The following RNF128 variants were observed in gnomAD, a reference collection of about 807,000 sequenced individuals.
The protein encoded by RNF128 is ring finger protein 128.
In RNF128, 13 loss-of-function variants were observed where a neutral mutation model predicts 26.2. That is an observed-to-expected ratio of 0.50 (90% CI 0.32 to 0.79). The LOEUF is 0.79. RNF128 is among the 30% of genes least tolerant of loss of function. The pLI, the probability that RNF128 is intolerant of heterozygous loss-of-function variation, is 0.03. For missense variants in RNF128, 315 were observed against 349.7 expected (o/e 0.90, Z 0.79); for synonymous variants, 149 against 142.5 (o/e 1.05, Z -0.32).
chrX:106,747,834 A>C (rs12843493), intron 1 of RNF128, among the ~76,000 whole-genome samples: 1 of 112,265 alleles, frequency 8.9e-6, no homozygotes, highest in Non-Finnish European at 1.9e-5. Flanking sequence ...TATACAATTC[A>C]TTTCACTGGC....
intron 4 of RNF128, among the ~76,000 whole-genome samples, chrX:106,789,843 A>C (rs907535191): frequency 9.1e-6 from 1 of 109,907 alleles, no homozygotes; most frequent in Non-Finnish European, 1.9e-5. Flanking sequence ...GGACTATATT[A>C]TTGAGAATGA....
At chrX:106,731,285 A>G (rs780464872) in intron 1 of RNF128, among the ~76,000 whole-genome samples, 51 of 111,686 alleles carry the variant, frequency 4.6e-4, no homozygotes, top group African/African-American at 1.6e-3. Context: ...GAATTTTAAC[A>G]GGAAAAAGAT....
intron 1 of RNF128, among the ~76,000 whole-genome samples, chrX:106,733,090 T>G (rs1174533699): frequency 9.0e-6 from 1 of 111,344 alleles, no homozygotes; most frequent in South Asian, 3.8e-4. Flanking sequence ...AACAACTATT[T>G]ACATAGCATT....
Position 106,743,264 on chromosome X carries a change from T to C in RNF128, c.484+15867T>C, listed in dbSNP as rs1000511761. 3.6e-5 allele frequency among the ~76,000 whole-genome samples: 4 copies of C among 112,550 alleles called. No homozygotes were observed. The East Asian group carries it at 1.1e-3, about 31-fold the overall frequency. ...CAAAAATCAGAATTTTGAAAAACTTTTATCTACTATGTAAGCATAACTTCC... is the reference window on the plus strand; with the variant it reads ...CAAAAATCAGAATTTTGAAAAACTTCTATCTACTATGTAAGCATAACTTCC... On this transcript the variant is annotated intron_variant, in intron 1 of 6. Transcript: ENST00000255499.
At chrX:106,704,590 G>T (rs186251379) in intron 1 of RNF128, among the ~76,000 whole-genome samples, 12,431 of 110,647 alleles carry the variant, frequency 0.11, 1,718 homozygotes, top group African/African-American at 0.39. Context: ...GATAAGACGG[G>T]TTTTGGTTGA....
chrX:106,794,033 G>T (rs957474507), intron 6 of RNF128, among the ~76,000 whole-genome samples: 4 of 111,364 alleles, frequency 3.6e-5, no homozygotes, highest in Non-Finnish European at 7.6e-5. Context: ...GATGCTTCTT[G>T]CTTGCAGTAA....
In RNF128 at chrX:106,717,059, C is replaced by T. The variant is rs767211581; in HGVS notation, c.406+22651C>T. On this transcript the variant is annotated intron_variant, in intron 1 of 6. Coordinates refer to the RNF128 transcript ENST00000324342. ...CTACTAAAAATATATAAAAATTAGC[C>T]TGGCGTGGTGGCGGGCGCCTGTAGT... Among the ~76,000 whole-genome samples, 21 of 110,421 alleles carry T rather than the reference C, an allele frequency of 1.9e-4. No individual in the cohort carries two copies. The East Asian group carries it at 4.3e-3, about 23-fold the overall frequency.
chrX:106,715,046 C>T (rs1189982717), intron 1 of RNF128, among the ~76,000 whole-genome samples: 1 of 111,516 alleles, frequency 9.0e-6, no homozygotes, highest in African/African-American at 3.3e-5. Context: ...TGTAATTTTT[C>T]ATTTTTCTGA....
At chrX:106,790,369 G>A in intron 5 of RNF128, 87 bp downstream of exon 5, 1 of 582,579 alleles carries the variant, frequency 1.7e-6, no homozygotes, top group Admixed American at 2.5e-5. Context: ...TTTTCGCTAT[G>A]TAATACACCA....
At chrX:106,740,104 T>G (rs180896478) in intron 1 of RNF128, among the ~76,000 whole-genome samples, 1 of 112,066 alleles carries the variant, frequency 8.9e-6, no homozygotes, top group Non-Finnish European at 1.9e-5. Context: ...TGCCCCTTTA[T>G]GACCAGCATT....
intron 1 of RNF128, among the ~76,000 whole-genome samples, chrX:106,761,928 T>G (rs773757769): frequency 3.6e-5 from 4 of 109,843 alleles, no homozygotes; most frequent in Non-Finnish European, 7.6e-5. Flanking sequence ...TTTTTTATTT[T>G]GGGCAGACAC....
rs761753435 is a variant in RNF128, at chrX:106,766,316, G to C, written c.485-6597G>C. ...ACTGTCTTCCACAATGGTTGAACTAGTTTACACTCCCACCAACAGTTAAAG... is the reference window on the plus strand; with the variant it reads ...ACTGTCTTCCACAATGGTTGAACTACTTTACACTCCCACCAACAGTTAAAG... On this transcript the variant is annotated intron_variant, in intron 1 of 6. Coordinates refer to ENST00000255499, the MANE Select transcript of RNF128 (RefSeq NM_194463.2). 3.6e-5 allele frequency among the ~76,000 whole-genome samples: 4 copies of C among 111,974 alleles called. No individual in the cohort carries two copies. In the South Asian group the frequency reaches 1.1e-3, roughly 32 times the overall value.
At chrX:106,757,815 C>G (rs971948111) in intron 1 of RNF128, among the ~76,000 whole-genome samples, 2 of 111,894 alleles carry the variant, frequency 1.8e-5, no homozygotes, top group African/African-American at 6.5e-5. Flanking sequence ...CTATATGTGA[C>G]AGATCCACAG....
chrX:106,699,630 A>T (rs764917784), intron 1 of RNF128, among the ~76,000 whole-genome samples: 1 of 112,229 alleles, frequency 8.9e-6, no homozygotes. Context: ...TCCTCTTCTC[A>T]GAACTCCCCA....
At chrX:106,721,676 A>G (rs1929314947) in intron 1 of RNF128, among the ~76,000 whole-genome samples, 1 of 112,142 alleles carries the variant, frequency 8.9e-6, no homozygotes, top group African/African-American at 3.2e-5. Context: ...TGCATACAAG[A>G]GATATTTCAC....
intron 1 of RNF128, among the ~76,000 whole-genome samples, chrX:106,757,658 G>A (rs1440142528): frequency 1.0e-5 from 1 of 97,705 alleles, no homozygotes; most frequent in African/African-American, 3.8e-5. Context: ...TGGGTGCAGC[G>A]CACCAGCACG....
intron 1 of RNF128, among the ~76,000 whole-genome samples, chrX:106,701,144 A>G (rs1442479908): frequency 4.5e-5 from 5 of 111,855 alleles, no homozygotes; most frequent in Non-Finnish European, 7.5e-5. Context: ...AATTTTCAAG[A>G]TAAGTGATCA....
chrX:106,711,752 G>A (rs973861811), intron 1 of RNF128, among the ~76,000 whole-genome samples: 2 of 110,977 alleles, frequency 1.8e-5, no homozygotes, highest in Non-Finnish European at 3.8e-5. Context: ...GGACATGCAC[G>A]TTTGGGTAAC....
chrX:106,727,222 G>A lies in RNF128; in HGVS notation c.309G>A (p.Thr103=), dbSNP rs1372589664. Residue 103 remains threonine (T), a synonymous_variant, in exon 1 of 7, where the codon ACG becomes ACA. Transcript: ENST00000255499. The part of the protein sequence containing the change: ...LNACNPHTNF[T]VPTVWGSTVQ... ...CCTGTAACCCGCACACGAATTTCAC[G>A]GTGCCCACGGTTTGGGGAAGCACCG... The A allele has an allele frequency of 1.7e-6, 2 of 1,211,463 alleles. No homozygotes were observed. Among genetic ancestry groups the A allele is most frequent in the Non-Finnish European group, 1.1e-6 (1 of 895,331 alleles).
Sources: allele counts gnomAD v4.1 joint callset (sites outside exome capture counted in the v4.1 genomes callset), GRCh38; gene constraint gnomAD v4.1.1; transcripts MANE v1.5; gene names NCBI Gene and HGNC (gene_info 2026-07-23, HGNC 2026-07-21).